CPNE6: variants seen among roughly 807,000 people sequenced by gnomAD.
CPNE6 encodes the protein copine-6.
A neutral mutation model predicts 71.5 loss-of-function variants in CPNE6; 33 were observed. The ratio of observed to expected loss-of-function variants is 0.46; its 90% CI spans 0.35 to 0.62. The LOEUF (loss-of-function observed/expected upper bound fraction) is 0.62, where lower values mean the gene tolerates loss of function less well. CPNE6 is among the 20% of genes least tolerant of loss of function. The probability of loss-of-function intolerance (pLI) is 0.00; values close to 1 mark genes in which losing one functional copy is unlikely to be tolerated. For synonymous variants in CPNE6, 296 were observed against 293.0 expected (o/e 1.01, Z -0.10); for missense variants, 576 against 747.3 (o/e 0.77, Z 2.67).
chr14:24,071,191 G>C (rs556749717), intron 1 of CPNE6: 201 of 1,003,370 alleles, frequency 2.0e-4, no homozygotes, highest in Non-Finnish European at 2.7e-4. Flanking sequence ...GTGTCACAGT[G>C]AGTTTATGTA....
chr14:24,074,557 C>T lies in CPNE6; in HGVS notation c.525C>T (p.Phe175=). 6.2e-7 allele frequency: 1 copy of T among 1,614,202 alleles called. No homozygotes were observed. Among genetic ancestry groups the T allele is most frequent in the Non-Finnish European group, 8.5e-7 (1 of 1,180,028 alleles). Residue 175 remains phenylalanine (F), a synonymous_variant, in exon 7 of 18, where the codon TTC becomes TTT. Coordinates refer to ENST00000397016, the Ensembl canonical transcript of CPNE6. The surrounding 1 kb of genome is among the most constrained non-coding windows in gnomAD (Gnocchi z 4.5). Reference sequence around the variant, plus strand: ...ATCTGTTCAGCAAGTCTGACCCTTTCATGGAAATCTATAAGACCAACGAGG... The same window carrying T: ...ATCTGTTCAGCAAGTCTGACCCTTTTATGGAAATCTATAAGACCAACGAGG...
chr14:24,076,445 G>T, intron 13 of CPNE6, 31 bp downstream of exon 12: 1 of 1,613,976 alleles, frequency 6.2e-7, no homozygotes. Flanking sequence ...AGAAGGAGAT[G>T]GGGGGCGTGT....
rs1225108361 is a variant in CPNE6 at position 24,076,433 on chromosome 14, AAAG to A, written c.1113+23_1113+25del. On this transcript the variant is annotated intron_variant, in intron 13 of 17. Coordinates refer to ENST00000397016, the Ensembl canonical transcript of CPNE6. ...CTTCGAGGTAGGCTAGATGCGAGGG[AAAG>A]AAGGAGATGGGGGGCGTGTCAGTCA... The A allele has an allele frequency of 1.5e-5, 24 of 1,614,024 alleles. No individual in the cohort carries two copies. Among genetic ancestry groups the A allele is most frequent in the Non-Finnish European group, 1.9e-5 (23 of 1,180,016 alleles).
At chr14:24,071,338 T>C in intron 1 of CPNE6, 4 of 1,438,052 alleles carry the variant, frequency 2.8e-6, no homozygotes, top group South Asian at 1.5e-5. Context: ...GTGGGTGTAG[T>C]GTGAAGGGGA....
chr14:24,076,081 C>CT, intron 11 of CPNE6, 68 bp from the exon 11 acceptor site: 1 of 1,588,228 alleles, frequency 6.3e-7, no homozygotes. Context: ...CTACAGATCC[C>CT]AGCTCTGGCC....
Position 24,075,362 on chromosome 14 carries a change from T to C in CPNE6, c.777+86T>C, listed in dbSNP as rs1019122088. The C allele has an allele frequency of 5.7e-6, 8 of 1,411,328 alleles. No homozygotes were observed. The African/African-American group carries it at 9.9e-5, about 17-fold the overall frequency. The allele number at this position is 1,411,328 out of a possible 1,614,324, so 87.4% of individuals were successfully genotyped here. On this transcript the variant is annotated intron_variant, in intron 9 of 17. Coordinates refer to ENST00000397016, the Ensembl canonical transcript of CPNE6. This position sits in a 1 kb window ranked among gnomAD's most constrained non-coding sequence, Gnocchi z 4.3. ...ATGCTGAAGAGACCACCATAGGTGA[T>C]AGGAAGTGGAGAGGGTGGAAAGCAC...
chr14:24,071,482 C>CG lies in CPNE6; in HGVS notation c.-119-39dup, dbSNP rs375552490. The CG allele has an allele frequency of 5.2e-4, 787 of 1,526,158 alleles. 7 individuals are homozygous for CG. In the African/African-American group the frequency reaches 8.2e-3, roughly 16 times the overall value. The allele number at this position is 1,526,158 out of a possible 1,614,324, so 94.5% of individuals were successfully genotyped here. A position where few individuals can be genotyped will look rare whatever the true frequency, so the allele number is the denominator to read the frequency against. Reference sequence around the variant, plus strand: ...TCTTCTCCCTCCCAATCCATCCACGCGGGGGGAGCTGGTGCTGCGCCCCCC... The same window carrying CG: ...TCTTCTCCCTCCCAATCCATCCACGCGGGGGGGAGCTGGTGCTGCGCCCCCC... On this transcript the variant is annotated intron_variant, in intron 1 of 17. Coordinates refer to ENST00000397016, the Ensembl canonical transcript of CPNE6.
chr14:24,073,124 C>T lies in CPNE6; in HGVS notation c.168+20C>T, dbSNP rs1441442589. ...GTGGAGGTGAGAGCAGCTCAGGTTT[C>T]TCCTTAACTAACCTGGGTTAAGCTT... is the stretch of plus-strand genomic sequence containing the variant. On this transcript the variant is annotated intron_variant, in intron 3 of 17. Coordinates refer to ENST00000397016, the Ensembl canonical transcript of CPNE6. The surrounding 1 kb of genome is among the most constrained non-coding windows in gnomAD (Gnocchi z 5.5). The T allele has an allele frequency of 2.1e-6, 3 of 1,438,740 alleles. No individual in the cohort carries two copies. Among genetic ancestry groups the T allele is most frequent in the East Asian group, 2.6e-5 (1 of 38,100 alleles). The allele number at this position is 1,438,740 out of a possible 1,614,324, so 89.1% of individuals were successfully genotyped here. A position where few individuals can be genotyped will look rare whatever the true frequency, so the allele number is the denominator to read the frequency against.
Position 24,073,504 on chromosome 14 carries a change from G to A in CPNE6, c.174G>A (p.Glu58=). Residue 58 remains glutamate (E), a synonymous_variant, in exon 4 of 18, where the codon GAG becomes GAA. Transcript: ENST00000397016. This position sits in a 1 kb window ranked among gnomAD's most constrained non-coding sequence, Gnocchi z 5.5. The stretch of plus-strand genomic sequence containing the variant: ...CCCTTCAACCACTACCACAGGTAGA[G>A]CGCACAGAGGTGCTTCGCTCCTGTT... 1.2e-6 allele frequency: 2 copies of A among 1,613,152 alleles called. No individual in the cohort carries two copies. Among genetic ancestry groups the A allele is most frequent in the African/African-American group, 1.3e-5 (1 of 75,016 alleles).
chr14:24,076,157 T>G (rs2070342), exon 12 of CPNE6: 1 of 1,612,888 alleles, frequency 6.2e-7, no homozygotes, highest in Non-Finnish European at 8.5e-7. Flanking sequence ...AGGTGGCCAT[T>G]GACTTCACCG....
intron 2 of CPNE6, 76 bp from the exon 2 acceptor site, chr14:24,072,857 G>A (rs1238098150): frequency 3.0e-6 from 4 of 1,316,202 alleles, no homozygotes; most frequent in Admixed American, 3.4e-5. Context: ...TGGGGCCCAG[G>A]GACCCTAGAG....
In CPNE6 at chr14:24,077,125, ACCC is replaced by A; in HGVS notation, c.1300-28_1300-26del. 6.3e-7 allele frequency: 1 copy of A among 1,594,730 alleles called. No homozygotes were observed. The highest frequency in any genetic ancestry group is 8.5e-7 in the Non-Finnish European group (1 of 1,174,706). ...GTCAACGCCCTTGCACACAAAGCCA[ACCC>A]TTCCACCCTCTCTGCTTGCCCTCAG... On this transcript the variant is annotated intron_variant, in intron 15 of 17. Transcript: ENST00000397016. This position sits in a 1 kb window ranked among gnomAD's most constrained non-coding sequence, Gnocchi z 6.1.
At position 24,073,805 on chromosome 14, in the gene CPNE6, T is replaced by A. The variant is rs1941889443; in HGVS notation, c.348+127T>A. The A allele has an allele frequency of 9.7e-7, 1 of 1,028,356 alleles. No individual in the cohort carries two copies. The highest frequency in any genetic ancestry group is 1.6e-5 in the South Asian group (1 of 62,384). The allele number at this position is 1,028,356 out of a possible 1,614,324, so 63.7% of individuals were successfully genotyped here. Reference sequence around the variant, plus strand: ...CCAGCCTTGGCTCCCATCTCTGCCATTCACTAGCTGTGCAGCCTCAGGAAA... The same window carrying A: ...CCAGCCTTGGCTCCCATCTCTGCCAATCACTAGCTGTGCAGCCTCAGGAAA... On this transcript the variant is annotated intron_variant, in intron 4 of 17. Transcript: ENST00000397016. This position sits in a 1 kb window ranked among gnomAD's most constrained non-coding sequence, Gnocchi z 5.5.
At position 24,076,810 on chromosome 14, in the gene CPNE6, T is replaced by C. The variant is rs1365881878; in HGVS notation, c.1166-69T>C. 1.7e-5 allele frequency: 27 copies of C among 1,603,930 alleles called. No individual in the cohort carries two copies. In the Admixed American group the frequency reaches 3.7e-4, roughly 22 times the overall value. On this transcript the variant is annotated intron_variant, in intron 14 of 17. Coordinates refer to ENST00000397016, the Ensembl canonical transcript of CPNE6. ...GTCCTCAGACCTGGAAGCATTTCCT[T>C]GCTTTAAGGAGTGTCAGGAGGGGGC...
chr14:24,073,506 G>A lies in CPNE6; in HGVS notation c.176G>A (p.Arg59His), dbSNP rs34916586. The A allele has an allele frequency of 3.1e-4, 501 of 1,613,108 alleles. 1 individual carries two copies. The highest frequency in any genetic ancestry group is 3.7e-4 in the Non-Finnish European group (437 of 1,179,844). The stretch of plus-strand genomic sequence containing the variant: ...CTTCAACCACTACCACAGGTAGAGC[G>A]CACAGAGGTGCTTCGCTCCTGTTCC... Residue 59 changes from arginine to histidine, a missense_variant, in exon 4 of 18, where the codon CGC becomes CAC. Arg to His is a conservative substitution (Grantham distance 29). Around this residue, in one of 4 missense-constraint regions of CPNE6, gnomAD observed 89 missense variants for 80.4 expected, o/e 1.11. Coordinates refer to ENST00000397016, the Ensembl canonical transcript of CPNE6. The surrounding 1 kb of genome is among the most constrained non-coding windows in gnomAD (Gnocchi z 5.5).
Position 24,075,791 on chromosome 14 carries a change from C to A in CPNE6, c.865-36C>A. 1 of 1,600,142 alleles carries A rather than the reference C, an allele frequency of 6.2e-7. No homozygotes were observed. Among genetic ancestry groups the A allele is most frequent in the Non-Finnish European group, 8.6e-7 (1 of 1,167,514 alleles). On this transcript the variant is annotated intron_variant, in intron 10 of 17. Transcript: ENST00000397016. The surrounding 1 kb of genome is among the most constrained non-coding windows in gnomAD (Gnocchi z 4.3). ...CCAAGCTCCCTCCTCAAAGGACCAC[C>A]CCATCCCCTCGCCTTACCCCTCTCC...
chr14:24,071,332 G>T (rs1349328277), intron 1 of CPNE6: 1 of 1,436,552 alleles, frequency 7.0e-7, no homozygotes, highest in Non-Finnish European at 9.1e-7. Context: ...CTGGGTGTGG[G>T]TGTAGTGTGA....
chr14:24,073,953 C>G lies in CPNE6; in HGVS notation c.349-98C>G. The G allele has an allele frequency of 8.4e-7, 1 of 1,187,404 alleles. No homozygotes were observed. The allele number at this position is 1,187,404 out of a possible 1,614,324, so 73.6% of individuals were successfully genotyped here. ...CCCTAGCCCAACTCAAAGTGCCAAC[C>G]CTTGCAGACACTCAGAGCATTTATT... is the stretch of plus-strand genomic sequence containing the variant. On this transcript the variant is annotated intron_variant, in intron 4 of 17. Transcript: ENST00000397016. The surrounding 1 kb of genome is among the most constrained non-coding windows in gnomAD (Gnocchi z 5.5).
intron 1 of CPNE6, chr14:24,071,181 G>C (rs2035884368): frequency 2.0e-6 from 2 of 1,016,926 alleles, no homozygotes; most frequent in Non-Finnish European, 1.4e-6. Flanking sequence ...AACTGTCGTG[G>C]TGTCACAGTG....
Sources: allele counts gnomAD v4.1 joint callset, GRCh38; gene constraint gnomAD v4.1.1; regional missense constraint gnomAD v4.1.1; non-coding constraint Gnocchi (gnomAD v3.1); transcripts MANE v1.5; gene names NCBI Gene and HGNC (gene_info 2026-07-23, HGNC 2026-07-21).